IZUMO2: variants seen among roughly 807,000 people sequenced by gnomAD.
IZUMO2 encodes the protein IZUMO family member 2, also known as izumo sperm-egg fusion protein 2.
A neutral mutation model predicts 31.2 loss-of-function variants in IZUMO2; 24 were observed. The observed-to-expected ratio is 0.77, with a 90% CI of 0.56 to 1.08. The LOEUF is 1.08. Among genes scored for constraint, IZUMO2 ranks in the 50% least tolerant of loss-of-function variants. The probability of loss-of-function intolerance (pLI) is 0.00; values close to 1 mark genes in which losing one functional copy is unlikely to be tolerated. For missense variants in IZUMO2, 278 were observed against 274.0 expected (o/e 1.01, Z -0.10); for synonymous variants, 144 against 117.3 (o/e 1.23, Z -1.47).
chr19:50,159,340 A>C, intron 3 of IZUMO2, 90 bp from the exon 4 acceptor site: 1 of 1,408,192 alleles, frequency 7.1e-7, no homozygotes. Context: ...GTAAGGGGTG[A>C]GGCTGGGAAA....
chr19:50,156,489 T>C (rs1476664260), intron 5 of IZUMO2, among the ~76,000 whole-genome samples: 1 of 151,934 alleles, frequency 6.6e-6, no homozygotes, highest in African/African-American at 2.4e-5. Context: ...CGTAGGGTGC[T>C]CAAAATATTT....
chr19:50,154,672 C>A lies in IZUMO2; in HGVS notation c.551G>T (p.Arg184Met). The A allele has an allele frequency of 6.2e-7, 1 of 1,614,056 alleles. No homozygotes were observed. The part of the protein sequence containing the change: ...LQYQMDSKYP[R>M]NQALLGILIS... Reference sequence around the variant, plus strand: ...GAGGATGCCCAACAGCGCCTGGTTCCTCGGGTATTTGCTGTCCATCTGGTA... The same window carrying A: ...GAGGATGCCCAACAGCGCCTGGTTCATCGGGTATTTGCTGTCCATCTGGTA... Residue 184 changes from arginine to methionine, a missense_variant, in exon 6 of 7, where the codon AGG becomes ATG. By Grantham distance (91) the Arg-to-Met change is moderately conservative. Coordinates refer to ENST00000293405, the MANE Select transcript of IZUMO2 (RefSeq NM_152358.3).
Position 50,154,674 on chromosome 19 carries a change from C to G in IZUMO2, c.549G>C (p.Pro183=). 6.2e-7 allele frequency: 1 copy of G among 1,613,930 alleles called. No individual in the cohort carries two copies. Among genetic ancestry groups the G allele is most frequent in the Admixed American group, 1.7e-5 (1 of 59,984 alleles). The part of the protein sequence containing the change: ...ALQYQMDSKY[P]RNQALLGILI... ...GGATGCCCAACAGCGCCTGGTTCCT[C>G]GGGTATTTGCTGTCCATCTGGTACT... The change falls in exon 6 of 7, where the codon CCG becomes CCC. Residue 183 remains proline (P), a synonymous_variant. Coordinates refer to ENST00000293405, the MANE Select transcript of IZUMO2 (RefSeq NM_152358.3).
intron 2 of IZUMO2, among the ~76,000 whole-genome samples, chr19:50,161,917 C>A (rs895106286): frequency 1.3e-5 from 2 of 152,160 alleles, no homozygotes; most frequent in African/African-American, 2.4e-5. Flanking sequence ...CGCTCCCCCC[C>A]AAAAAAATTT....
At chr19:50,152,766 T>C (rs2030069868) in intron 6 of IZUMO2, 115 bp from the exon 7 acceptor site, 3 of 918,182 alleles carry the variant, frequency 3.3e-6, no homozygotes, top group Non-Finnish European at 5.3e-6. Context: ...CTGATTTGGC[T>C]CATCCAGTGA....
chr19:50,159,162 A>T, intron 4 of IZUMO2, 68 bp downstream of exon 4: 1 of 1,520,192 alleles, frequency 6.6e-7, no homozygotes, highest in African/African-American at 1.4e-5. Flanking sequence ...GCCAGGCTTG[A>T]TTTGGGGAGA....
Position 50,152,652 on chromosome 19 carries a change from C to G in IZUMO2, c.624-1G>C. On this transcript the variant is annotated splice_acceptor_variant, in intron 6 of 6. Transcript: ENST00000293405. LOFTEE classifies it high-confidence loss of function. Reference sequence around the variant, plus strand: ...TCGGTTTTGTCTGTATGTACAAGCCCTGGTCAGAGAGAAAAAGCCTGTAGA... The same window carrying G: ...TCGGTTTTGTCTGTATGTACAAGCCGTGGTCAGAGAGAAAAAGCCTGTAGA... 1 of 1,612,890 alleles carries G rather than the reference C, an allele frequency of 6.2e-7. No homozygotes were observed. The highest frequency in any genetic ancestry group is 8.5e-7 in the Non-Finnish European group (1 of 1,178,912).
chr19:50,154,528 C>T lies in IZUMO2; in HGVS notation c.623+72G>A, dbSNP rs1030256419. ...CTCCCAAAGTACACAGTGACCCATCCAGGGGAGTCGCCATTTTTGAGGGGC... is the reference window on the plus strand; with the variant it reads ...CTCCCAAAGTACACAGTGACCCATCTAGGGGAGTCGCCATTTTTGAGGGGC... On this transcript the variant is annotated intron_variant, in intron 6 of 6. Coordinates refer to ENST00000293405, the MANE Select transcript of IZUMO2 (RefSeq NM_152358.3). 3.6e-6 allele frequency: 5 copies of T among 1,378,880 alleles called. No homozygotes were observed. The African/African-American group carries it at 1.6e-4, about 43-fold the overall frequency. The allele number at this position is 1,378,880 out of a possible 1,614,324, so 85.4% of individuals were successfully genotyped here. A position where few individuals can be genotyped will look rare whatever the true frequency, so the allele number is the denominator to read the frequency against.
intron 1 of IZUMO2, 73 bp downstream of exon 1, chr19:50,162,890 C>T (rs2030449490): frequency 1.2e-6 from 2 of 1,605,114 alleles, no homozygotes; most frequent in South Asian, 1.1e-5. Flanking sequence ...AGGCCTGGCC[C>T]CGACCCCTCT....
intron 6 of IZUMO2, among the ~76,000 whole-genome samples, 169 bp downstream of exon 6, chr19:50,154,431 C>T (rs1307443207): frequency 2.3e-5 from 3 of 132,316 alleles, no homozygotes; most frequent in Admixed American, 7.6e-5. Context: ...GGGCAGGGGG[C>T]GGGAGGGAGA....
At chr19:50,155,584 A>G (rs987760443) in intron 5 of IZUMO2, among the ~76,000 whole-genome samples, 1 of 152,152 alleles carries the variant, frequency 6.6e-6, no homozygotes, top group Non-Finnish European at 1.5e-5. Flanking sequence ...TTCCATCAGC[A>G]AAGCCTCTTG....
chr19:50,159,160 T>G, intron 4 of IZUMO2, 70 bp downstream of exon 4: 1 of 1,496,760 alleles, frequency 6.7e-7, no homozygotes, highest in African/African-American at 1.4e-5. Context: ...TAGCCAGGCT[T>G]GATTTGGGGA....
chr19:50,159,163 T>G, intron 4 of IZUMO2, 67 bp downstream of exon 4: 1 of 1,517,210 alleles, frequency 6.6e-7, no homozygotes, highest in Non-Finnish European at 9.1e-7. Flanking sequence ...CCAGGCTTGA[T>G]TTGGGGAGAC....
intron 4 of IZUMO2, among the ~76,000 whole-genome samples, chr19:50,159,010 T>C (rs1003101295): frequency 4.6e-5 from 7 of 152,200 alleles, no homozygotes; most frequent in Non-Finnish European, 7.3e-5. Flanking sequence ...TAATACAACA[T>C]AGCCTATTTT....
chr19:50,162,373 T>C (rs2030427457), intron 2 of IZUMO2, among the ~76,000 whole-genome samples: 1 of 152,116 alleles, frequency 6.6e-6, no homozygotes, highest in Admixed American at 6.5e-5. Flanking sequence ...TTTGGGAGGC[T>C]GAGACACAAG....
Position 50,162,727 on chromosome 19 carries a change from C to T in IZUMO2, c.307+12G>A, listed in dbSNP as rs73932425. The T allele has an allele frequency of 1.9e-6, 3 of 1,609,944 alleles. No individual in the cohort carries two copies. In the South Asian group the frequency reaches 3.3e-5, roughly 18 times the overall value. On this transcript the variant is annotated intron_variant, in intron 2 of 6. Transcript: ENST00000293405. ...AGGGGTGCTGGAGAAGGCGTTCCCT[C>T]GTCTCTCCTACCTTTCAGAGAGTTA... is the stretch of plus-strand genomic sequence containing the variant.
Position 50,152,586 on chromosome 19 carries a change from C to T in IZUMO2, c.*23G>A, listed in dbSNP as rs774656952. Reference sequence around the variant, plus strand: ...AATTTTATTAAATTTATTTTCCTTTCTCCTTACCCCCAAACCACCGTCCTA... The same window carrying T: ...AATTTTATTAAATTTATTTTCCTTTTTCCTTACCCCCAAACCACCGTCCTA... On this transcript the variant is annotated 3_prime_UTR_variant, in exon 7 of 7. Transcript: ENST00000293405. 3.7e-6 allele frequency: 6 copies of T among 1,603,908 alleles called. No individual in the cohort carries two copies. The East Asian group carries it at 1.1e-4, about 30-fold the overall frequency.
chr19:50,154,274 T>G (rs1265995563), intron 6 of IZUMO2, among the ~76,000 whole-genome samples: 10,838 of 125,310 alleles, frequency 0.086, 1,346 homozygotes, highest in Non-Finnish European at 0.12. Flanking sequence ...GTTTTTTTTT[T>G]TTTTTTTTTT....
At chr19:50,154,748 C>A in intron 5 of IZUMO2, 22 bp from the exon 6 acceptor site, 1 of 1,611,468 alleles carries the variant, frequency 6.2e-7, no homozygotes, top group Non-Finnish European at 8.5e-7. Context: ...GGGGAAACAG[C>A]CCCGACCTCC....
Sources: allele counts gnomAD v4.1 joint callset (sites outside exome capture counted in the v4.1 genomes callset), GRCh38; gene constraint gnomAD v4.1.1; transcripts MANE v1.5; gene names NCBI Gene and HGNC (gene_info 2026-07-23, HGNC 2026-07-21).